Variants in ITGAM observed in about 807,000 individuals in gnomAD.
The protein encoded by ITGAM is integrin alpha-M.
Under a neutral mutation model 137.5 loss-of-function variants are expected in ITGAM, and 79 were observed. The observed-to-expected ratio is 0.57, with a 90% CI of 0.48 to 0.69. The LOEUF is 0.69. Ranked by LOEUF, ITGAM falls within the 30% of genes least tolerant of loss-of-function variation. The pLI is 0.00. For synonymous variants in ITGAM, 583 were observed against 592.3 expected, an observed-to-expected ratio of 0.98 and a Z score of 0.23; for missense variants, 1,343 against 1,483.5, an observed-to-expected ratio of 0.91 and a Z score of 1.56.
intron 8 of ITGAM, chr16:31,273,784 G>A (rs1370404313): frequency 3.2e-6 from 1 of 311,352 alleles, no homozygotes; most frequent in African/African-American, 2.2e-5. Context: ...ATTAGCTACA[G>A]GTTGGCAGGC....
Position 31,291,519 on chromosome 16 carries a change from G to A in ITGAM, c.1357-5995G>A, listed in dbSNP as rs79746047. Among the ~76,000 whole-genome samples the A allele has an allele frequency of 5.1e-3, 777 of 152,002 alleles. 8 individuals are homozygous for A. Among genetic ancestry groups the A allele is most frequent in the African/African-American group, 0.018 (748 of 41,472 alleles). On this transcript the variant is annotated intron_variant, in intron 12 of 29. Transcript: ENST00000544665. ...AGCATCCATCATTGTTTGTCTTTTC[G>A]ATAAAAGCCCTTTTAACTGGAATGA...
At chr16:31,260,339 CAT>C (rs1441454648) in intron 1 of ITGAM, among the ~76,000 whole-genome samples, 2 of 152,168 alleles carry the variant, frequency 1.3e-5, no homozygotes, top group African/African-American at 4.8e-5. Flanking sequence ...TTGCTTCACA[CAT>C]GAGGAGACGG....
chr16:31,286,281 C>G (rs1331663946), intron 12 of ITGAM, among the ~76,000 whole-genome samples: 1 of 151,996 alleles, frequency 6.6e-6, no homozygotes, highest in African/African-American at 2.4e-5. Flanking sequence ...CCATGTCTTT[C>G]TATTGTGAAT....
At chr16:31,277,359 A>ATTT (rs10647928) in intron 11 of ITGAM, among the ~76,000 whole-genome samples, 1 of 137,050 alleles carries the variant, frequency 7.3e-6, no homozygotes, top group African/African-American at 2.7e-5. Context: ...CCCCTGGCTA[A>ATTT]TTTTTTTTTT....
At chr16:31,272,069 G>T (rs540397331) in intron 7 of ITGAM, 77 bp downstream of exon 7, 6 of 1,556,586 alleles carry the variant, frequency 3.9e-6, no homozygotes, top group Admixed American at 1.7e-5. Flanking sequence ...GAAGGGAGCC[G>T]TTCAGACAGG....
chr16:31,329,977 T>G (rs894537599), intron 25 of ITGAM, 72 bp downstream of exon 25: 9 of 1,529,172 alleles, frequency 5.9e-6, no homozygotes, highest in Admixed American at 2.0e-5. Flanking sequence ...CTATTGGGTT[T>G]TAGAGCCGCT....
chr16:31,276,831 C>G, intron 10 of ITGAM, 87 bp downstream of exon 10: 1 of 1,582,770 alleles, frequency 6.3e-7, no homozygotes. Context: ...GGACTCTTCT[C>G]TGTGATAGAT....
At chr16:31,261,940 G>C in intron 2 of ITGAM, 143 bp downstream of exon 2, 1 of 603,048 alleles carries the variant, frequency 1.7e-6, no homozygotes. Flanking sequence ...TGAATTTACA[G>C]TATTCTAAAT....
intron 12 of ITGAM, among the ~76,000 whole-genome samples, chr16:31,287,323 T>G (rs2144348532): frequency 1.3e-5 from 2 of 152,328 alleles, no homozygotes; most frequent in South Asian, 4.1e-4. Flanking sequence ...GCTTTGTTAT[T>G]TTTGCTTAGG....
intron 5 of ITGAM, among the ~76,000 whole-genome samples, chr16:31,269,242 G>T (rs2079802989): frequency 6.6e-6 from 1 of 152,148 alleles, no homozygotes; most frequent in Non-Finnish European, 1.5e-5. Flanking sequence ...CAAGTGCAAG[G>T]TCTGCAAAAT....
At chr16:31,314,503 C>T (rs2080369647) in intron 14 of ITGAM, among the ~76,000 whole-genome samples, 1 of 151,900 alleles carries the variant, frequency 6.6e-6, no homozygotes, top group Non-Finnish European at 1.5e-5. Context: ...TCCCCATTTC[C>T]TGCTTTTGTC....
At position 31,267,491 on chromosome 16, in the gene ITGAM, G is replaced by A. The variant is rs142270222; in HGVS notation, c.427+1344G>A. Among the ~76,000 whole-genome samples the A allele has an allele frequency of 4.5e-3, 686 of 152,066 alleles. 5 individuals are homozygous for A. Among genetic ancestry groups the A allele is most frequent in the African/African-American group, 0.016 (667 of 41,504 alleles). ...CAAATTCTAAAGGAGCTGTAACACC[G>A]CACTTTCTCCTTTTTCTCAAATTTC... On this transcript the variant is annotated intron_variant, in intron 5 of 29. Coordinates refer to ENST00000544665, the MANE Select transcript of ITGAM (RefSeq NM_000632.4).
intron 16 of ITGAM, 47 bp downstream of exon 16, chr16:31,321,674 T>A (rs938554589): frequency 6.3e-7 from 1 of 1,582,574 alleles, no homozygotes; most frequent in Non-Finnish European, 8.6e-7. Context: ...ACCGAGGACA[T>A]GAATGGGTGC....
intron 14 of ITGAM, among the ~76,000 whole-genome samples, chr16:31,302,484 T>TTTCTTTCTTTC (rs374736924): frequency 1.0e-4 from 10 of 98,386 alleles, no homozygotes; most frequent in South Asian, 6.1e-4. Flanking sequence ...TCTTTCTTTC[T>TTTCTTTCTTTC]TTTTTCTTTC....
chr16:31,315,423 T>G (rs2080380547), intron 14 of ITGAM, among the ~76,000 whole-genome samples: 1 of 151,492 alleles, frequency 6.6e-6, no homozygotes, highest in Admixed American at 6.6e-5. Context: ...GATCTTACAT[T>G]TAAGCCTTTA....
chr16:31,292,270 A>G (rs1428439055), intron 12 of ITGAM, among the ~76,000 whole-genome samples: 5 of 151,998 alleles, frequency 3.3e-5, no homozygotes, highest in African/African-American at 9.7e-5. Flanking sequence ...TAATTTTTCA[A>G]CTTTTACTTT....
chr16:31,327,309 G>A lies in ITGAM; in HGVS notation c.2708+374G>A, dbSNP rs149223988. 1.0e-3 allele frequency among the ~76,000 whole-genome samples: 152 copies of A among 152,216 alleles called. 3 individuals carry two copies. The highest frequency in any genetic ancestry group is 3.3e-3 in the African/African-American group (138 of 41,526). On this transcript the variant is annotated intron_variant, in intron 22 of 29. Coordinates refer to ENST00000544665, the MANE Select transcript of ITGAM (RefSeq NM_000632.4). Reference sequence around the variant, plus strand: ...CCTAAAGAAAATATATTTAGGAGCTGGGCGTGCTGGCTCAAGCCTGTAATC... The same window carrying A: ...CCTAAAGAAAATATATTTAGGAGCTAGGCGTGCTGGCTCAAGCCTGTAATC...
rs750704611 is a variant in ITGAM at position 31,297,645 on chromosome 16, G to T, written c.1488G>T (p.Leu496Phe). Residue 496 changes from leucine to phenylalanine, a missense_variant, in exon 13 of 30, where the codon TTG (leucine) becomes TTT (phenylalanine). Transcript: ENST00000544665. The stretch of plus-strand genomic sequence containing the variant: ...GGGGCCAGGTGTCCGTGTGCCCCTT[G>T]CCCAGGGGGGTGAGTGGCAATGGGA... The part of the protein sequence containing the change: ...TRGGQVSVCP[L>F]PRGRARWQCD... The T allele has an allele frequency of 6.2e-7, 1 of 1,612,628 alleles. No homozygotes were observed. The highest frequency in any genetic ancestry group is 2.2e-5 in the East Asian group (1 of 44,852).
intron 16 of ITGAM, 106 bp downstream of exon 16, chr16:31,321,733 C>T (rs943369999): frequency 8.6e-7 from 1 of 1,161,544 alleles, no homozygotes; most frequent in South Asian, 1.5e-5. Flanking sequence ...TGAGTTCTCA[C>T]AGGCTCTGAC....
Sources: gnomAD v4.1 joint callset for allele counts (sites outside exome capture counted in the v4.1 genomes callset) on GRCh38, gnomAD v4.1.1 for gene constraint, MANE v1.5 for transcripts, NCBI Gene and HGNC (gene_info 2026-07-23, HGNC 2026-07-21) for gene names.